The following APC variants were observed in gnomAD, a reference collection of about 807,000 sequenced individuals.
APC encodes APC regulator of Wnt signaling pathway.
Under a neutral mutation model 247.0 loss-of-function variants are expected in APC, and 72 were observed. That is an observed-to-expected ratio of 0.29 (90% CI 0.24 to 0.35). APC has a LOEUF of 0.35. APC is among the 10% of genes least tolerant of loss of function. The pLI, the probability that APC is intolerant of heterozygous loss-of-function variation, is 1.00. For synonymous variants in APC, 1,254 were observed against 1,162.5 expected (o/e 1.08, Z -1.60); for missense variants, 3,400 against 3,360.7 (o/e 1.01, Z -0.29).
rs77941389 is a variant in APC, at chr5:112,777,254, T to C, written c.531+1517T>C. 0.052 allele frequency among the ~76,000 whole-genome samples: 7,924 copies of C among 152,154 alleles called. 574 individuals carry two copies. The highest frequency in any genetic ancestry group is 0.17 in the African/African-American group (6,907 of 41,468). ...ACAATAAAAAAGGAAAACATTTACG[T>C]GTGCATTTTCTTTATACACACACAC... On this transcript the variant is annotated intron_variant, in intron 5 of 15. Coordinates refer to ENST00000257430, the MANE Select transcript of APC (RefSeq NM_000038.6).
intron 8 of APC, among the ~76,000 whole-genome samples, chr5:112,807,804 A>T (rs1485368363): frequency 6.6e-6 from 1 of 152,188 alleles, no homozygotes; most frequent in Non-Finnish European, 1.5e-5. Flanking sequence ...TCCAGGCATC[A>T]TCATCACTTC....
rs1060503303 is a variant in APC, at chr5:112,838,698, A to G, written c.3104A>G (p.Gln1035Arg). Residue 1035 changes from glutamine (Q) to arginine (R), a missense_variant, in exon 16 of 16, where the codon CAG (glutamine) becomes CGG (arginine). By Grantham distance (43) the Gln-to-Arg change is conservative. Transcript: ENST00000257430. The part of the protein sequence containing the change: ...INYSLKYSDE[Q>R]LNSGRQSPSQ... ...TATAGTCTTAAATATTCAGATGAGC[A>G]GTTGAACTCTGGAAGGCAAAGTCCT... 1 of 1,614,216 alleles carries G rather than the reference A, an allele frequency of 6.2e-7. No individual in the cohort carries two copies.
At chr5:112,782,941 A>G (rs1432787871) in intron 6 of APC, among the ~76,000 whole-genome samples, 1 of 152,228 alleles carries the variant, frequency 6.6e-6, no homozygotes, top group African/African-American at 2.4e-5. Flanking sequence ...TTAGATTTAA[A>G]TTTTAGATTT....
intron 15 of APC, among the ~76,000 whole-genome samples, chr5:112,835,863 G>A (rs140895752): frequency 0.021 from 3,140 of 151,722 alleles, 52 homozygotes; most frequent in African/African-American, 0.036. Flanking sequence ...GTGAGCCACC[G>A]CGCCCGGCCA....
rs761296130 is a variant in APC at position 112,842,323 on chromosome 5, A to C, written c.6729A>C (p.Thr2243=). Residue 2243 remains threonine, a synonymous_variant, in exon 16 of 16, where the codon ACA becomes ACC. Coordinates refer to ENST00000257430, the MANE Select transcript of APC (RefSeq NM_000038.6). ...IPGVRNSSSS[T]SPVSKKGPPL... is the part of the protein sequence containing the mutation. Reference sequence around the variant, plus strand: ...GAGTTCGAAATAGCTCCTCAAGTACAAGTCCTGTTTCTAAAAAAGGCCCAC... The same window carrying C: ...GAGTTCGAAATAGCTCCTCAAGTACCAGTCCTGTTTCTAAAAAAGGCCCAC... The C allele has an allele frequency of 1.2e-6, 2 of 1,613,850 alleles. No individual in the cohort carries two copies. Among genetic ancestry groups the C allele is most frequent in the Non-Finnish European group, 1.7e-6 (2 of 1,179,792 alleles).
At chr5:112,802,080 G>A (rs187968485) in intron 8 of APC, among the ~76,000 whole-genome samples, 45 of 152,136 alleles carry the variant, frequency 3.0e-4, no homozygotes, top group African/African-American at 1.1e-3. Flanking sequence ...TATTTTTAGA[G>A]TGTAAATGAA....
intron 11 of APC, among the ~76,000 whole-genome samples, chr5:112,825,407 G>C (rs1317101413): frequency 6.6e-6 from 1 of 152,176 alleles, no homozygotes; most frequent in Non-Finnish European, 1.5e-5. Context: ...GGCACATAAA[G>C]TCTTATGTGA....
At chr5:112,769,739 A>G (rs1012795267) in intron 4 of APC, among the ~76,000 whole-genome samples, 2 of 152,164 alleles carry the variant, frequency 1.3e-5, no homozygotes, top group Non-Finnish European at 2.9e-5. Flanking sequence ...TGAAAATTGA[A>G]TATTAGTATA....
intron 12 of APC, 64 bp downstream of exon 12, chr5:112,827,311 A>G (rs540138547): frequency 3.9e-5 from 61 of 1,568,138 alleles, no homozygotes; most frequent in Non-Finnish European, 5.2e-5. Context: ...CTTTCATACA[A>G]ATACATTTTA....
intron 15 of APC, among the ~76,000 whole-genome samples, chr5:112,836,950 C>A (rs572491907): frequency 6.6e-6 from 1 of 152,304 alleles, no homozygotes; most frequent in African/African-American, 2.4e-5. Flanking sequence ...ATCCGCCTGC[C>A]TCAGCCTCCT....
At chr5:112,761,267 A>G (rs1468133536) in intron 2 of APC, among the ~76,000 whole-genome samples, 2 of 152,238 alleles carry the variant, frequency 1.3e-5, no homozygotes, top group East Asian at 3.8e-4. Flanking sequence ...TGAAATGCAG[A>G]GAAACTGGAA....
In APC at chr5:112,815,632, A is replaced by G. The variant is rs774583109; in HGVS notation, c.933+39A>G. ...ACAAACCCTGGTCACTAATGCCATG[A>G]CTACTTTGCTAAGACATTCTTGGCC... On this transcript the variant is annotated intron_variant, in intron 9 of 15. Transcript: ENST00000257430. 8 of 1,521,160 alleles carry G rather than the reference A, an allele frequency of 5.3e-6. No individual in the cohort carries two copies. In the Admixed American group the frequency reaches 1.0e-4, roughly 19 times the overall value. The allele number at this position is 1,521,160 out of a possible 1,614,324, so 94.2% of individuals were successfully genotyped here.
intron 2 of APC, among the ~76,000 whole-genome samples, chr5:112,765,506 C>T (rs138646121): frequency 0.014 from 2,184 of 152,298 alleles, 32 homozygotes; most frequent in Non-Finnish European, 0.023. Context: ...TTACAGATTA[C>T]TTTTCTTATA....
chr5:112,840,685 A>G lies in APC; in HGVS notation c.5091A>G (p.Thr1697=), dbSNP rs1765844168. Residue 1697 remains threonine, a synonymous_variant, in exon 16 of 16, where the codon ACA becomes ACG. Transcript: ENST00000257430. This position sits in a 1 kb window ranked among gnomAD's most constrained non-coding sequence, Gnocchi z 4.1. The stretch of plus-strand genomic sequence containing the variant: ...CCATTCCTACAGAAGGCAGAAGTAC[A>G]GATGAGGCTCAAGGAGGAAAAACCT... ...RDTIPTEGRS[T]DEAQGGKTSS... is the part of the protein sequence containing the mutation. The G allele has an allele frequency of 1.2e-6, 2 of 1,614,120 alleles. No homozygotes were observed. Among genetic ancestry groups the G allele is most frequent in the Non-Finnish European group, 1.7e-6 (2 of 1,179,978 alleles).
intron 3 of APC, among the ~76,000 whole-genome samples, chr5:112,766,647 T>G (rs1206844797): frequency 6.6e-6 from 1 of 152,180 alleles, no homozygotes; most frequent in Non-Finnish European, 1.5e-5. Context: ...AATCCCTCCC[T>G]TAAATAATTT....
At chr5:112,743,576 A>G (rs141454023) in intron 1 of APC, among the ~76,000 whole-genome samples, 209 of 152,352 alleles carry the variant, frequency 1.4e-3, no homozygotes, top group African/African-American at 3.2e-3. Flanking sequence ...TTCATTGTTC[A>G]ATTAGATTCT....
chr5:112,749,177 C>T (rs2149716147), intron 1 of APC, among the ~76,000 whole-genome samples: 1 of 152,204 alleles, frequency 6.6e-6, no homozygotes, highest in Admixed American at 6.5e-5. Context: ...AGTTTCTTTA[C>T]TGTATGTTAT....
intron 6 of APC, among the ~76,000 whole-genome samples, chr5:112,790,019 C>G (rs976904491): frequency 2.0e-5 from 3 of 152,074 alleles, no homozygotes; most frequent in African/African-American, 7.2e-5. Context: ...GCCCTCATGC[C>G]TGGCTAATTT....
At chr5:112,792,282 G>C (rs1759706378) in intron 6 of APC, among the ~76,000 whole-genome samples, 164 bp from the exon 7 acceptor site, 1 of 151,926 alleles carries the variant, frequency 6.6e-6, no homozygotes, top group African/African-American at 2.4e-5. Context: ...AAATTGAACT[G>C]ACCCCAATTT....
Sources: allele counts gnomAD v4.1 joint callset (sites outside exome capture counted in the v4.1 genomes callset), GRCh38; gene constraint gnomAD v4.1.1; non-coding constraint Gnocchi (gnomAD v3.1); transcripts MANE v1.5; gene names NCBI Gene and HGNC (gene_info 2026-07-23, HGNC 2026-07-21).